GRIN3A: variants seen among roughly 807,000 people sequenced by gnomAD.
The protein encoded by GRIN3A is glutamate receptor ionotropic, NMDA 3A.
GRIN3A carries 47 observed loss-of-function variants against 92.4 expected under a neutral mutation model. That is an observed-to-expected ratio of 0.51 (90% CI 0.40 to 0.65). The LOEUF (loss-of-function observed/expected upper bound fraction) is 0.65. Ranked by LOEUF, GRIN3A falls within the 30% of genes least tolerant of loss-of-function variation. The probability of loss-of-function intolerance (pLI) is 0.00; values close to 1 mark genes in which losing one functional copy is unlikely to be tolerated. For missense variants in GRIN3A, 1,324 were observed against 1,393.1 expected (o/e 0.95, Z 0.79); for synonymous variants, 527 against 540.6 (o/e 0.97, Z 0.35).
rs1829311554 is a variant in GRIN3A at position 101,670,996 on chromosome 9, G to A, written c.1416C>T (p.Pro472=). 4 of 1,613,846 alleles carry A rather than the reference G, an allele frequency of 2.5e-6. No individual in the cohort carries two copies. The highest frequency in any genetic ancestry group is 2.2e-5 in the East Asian group (1 of 44,864). The part of the protein sequence containing the change: ...NFFIWNLQHD[P]MGKPMWTRLG... ...AGCGGGTCCACATTGGCTTTCCCAT[G>A]GGGTCATGTTGAAGATTCCAGATGA... The change falls in exon 3 of 9, where the codon CCC becomes CCT. Residue 472 remains proline (P), a synonymous_variant. Transcript: ENST00000361820.
chr9:101,706,705 C>A (rs368293490), intron 1 of GRIN3A, among the ~76,000 whole-genome samples: 2 of 152,162 alleles, frequency 1.3e-5, no homozygotes, highest in African/African-American at 4.8e-5. Context: ...CAGAGGAAGT[C>A]ATCACAGGTT....
chr9:101,689,809 C>A (rs1283453770), intron 1 of GRIN3A, among the ~76,000 whole-genome samples: 1 of 151,334 alleles, frequency 6.6e-6, no homozygotes, highest in African/African-American at 2.4e-5. Flanking sequence ...AAAATTCAAG[C>A]CTGATAGTAA....
At chr9:101,726,967 C>G (rs1830088255) in intron 1 of GRIN3A, among the ~76,000 whole-genome samples, 1 of 151,584 alleles carries the variant, frequency 6.6e-6, no homozygotes, top group South Asian at 2.1e-4. Context: ...GGATCAAGGA[C>G]AAGAAGCATA....
chr9:101,578,576 A>G (rs1167856459), intron 7 of GRIN3A, among the ~76,000 whole-genome samples: 2 of 152,212 alleles, frequency 1.3e-5, no homozygotes, highest in Non-Finnish European at 2.9e-5. Flanking sequence ...TTCCATCATT[A>G]TGAAGCCTTC....
At chr9:101,595,194 G>A (rs749882829) in intron 6 of GRIN3A, among the ~76,000 whole-genome samples, 1 of 152,094 alleles carries the variant, frequency 6.6e-6, no homozygotes, top group African/African-American at 2.4e-5. Flanking sequence ...AATGGAGCCT[G>A]GGGGTGCCCG....
chr9:101,713,146 G>A (rs890742912), intron 1 of GRIN3A, among the ~76,000 whole-genome samples: 1 of 152,154 alleles, frequency 6.6e-6, no homozygotes, highest in African/African-American at 2.4e-5. Flanking sequence ...CATGGGCTCT[G>A]CTTTCTGGGG....
chr9:101,579,352 T>A lies in GRIN3A; in HGVS notation c.2775A>T (p.Gln925His), dbSNP rs143034818. The part of the protein sequence containing the change: ...KRSFAVTETL[Q>H]MGIKHFSGLF... ...GCCCAGAGAAGTGTTTGATGCCCAT[T>A]TGCAAAGTCTGTGACAGAATAGGAA... Residue 925 changes from glutamine (Q) to histidine (H), a missense_variant, in exon 7 of 9, where the codon CAA becomes CAT. Coordinates refer to ENST00000361820, the MANE Select transcript of GRIN3A (RefSeq NM_133445.3). 520 of 1,613,748 alleles carry A rather than the reference T, an allele frequency of 3.2e-4. No individual in the cohort carries two copies. Among genetic ancestry groups the A allele is most frequent in the Non-Finnish European group, 4.0e-4 (474 of 1,179,872 alleles).
In GRIN3A at chr9:101,638,642, T is replaced by C. The variant is rs540053517; in HGVS notation, c.2353-10241A>G. On this transcript the variant is annotated intron_variant, in intron 3 of 8. Transcript: ENST00000361820. ...ATGATGATCATGATGTAGCTCACCATGTGCCAGGCACTGTTGAATGGTTTA... is the reference window on the plus strand; with the variant it reads ...ATGATGATCATGATGTAGCTCACCACGTGCCAGGCACTGTTGAATGGTTTA... 7.9e-5 allele frequency among the ~76,000 whole-genome samples: 12 copies of C among 152,366 alleles called. No homozygotes were observed. In the East Asian group the frequency reaches 2.3e-3, roughly 29 times the overall value.
intron 1 of GRIN3A, among the ~76,000 whole-genome samples, chr9:101,732,745 C>G (rs1830155364): frequency 6.6e-6 from 1 of 152,114 alleles, no homozygotes; most frequent in African/African-American, 2.4e-5. Context: ...TGACCAACAC[C>G]TCTCCACTAG....
intron 3 of GRIN3A, among the ~76,000 whole-genome samples, chr9:101,649,850 G>A (rs938589078): frequency 6.6e-6 from 1 of 151,980 alleles, no homozygotes; most frequent in African/African-American, 2.4e-5. Flanking sequence ...GAAAATGTAC[G>A]ACCCTTGTCT....
chr9:101,737,849 A>G lies in GRIN3A; in HGVS notation c.131T>C (p.Ile44Thr). ...HPQPCQILKR[I>T]GHAVRVGAVH... ...CGCGCCCACCCTCACCGCGTGCCCG[A>G]TGCGCTTGAGGATCTGGCAGGGCTG... The change falls in exon 1 of 9, where the codon ATC becomes ACC. Residue 44 changes from isoleucine (I) to threonine (T), a missense_variant. Coordinates refer to ENST00000361820, the MANE Select transcript of GRIN3A (RefSeq NM_133445.3). 6.5e-7 allele frequency: 1 copy of G among 1,533,340 alleles called. No homozygotes were observed. Among genetic ancestry groups the G allele is most frequent in the Non-Finnish European group, 8.7e-7 (1 of 1,146,142 alleles). 95.0% of individuals were successfully genotyped at this position (1,533,340 alleles called of 1,614,324 possible).
chr9:101,665,152 T>C (rs2118940178), intron 3 of GRIN3A, among the ~76,000 whole-genome samples: 1 of 151,956 alleles, frequency 6.6e-6, no homozygotes, highest in Admixed American at 6.6e-5. Flanking sequence ...GCAACAGAAA[T>C]GTAGTTTTAA....
At chr9:101,574,733 C>T (rs1827806677) in intron 8 of GRIN3A, among the ~76,000 whole-genome samples, 1 of 152,184 alleles carries the variant, frequency 6.6e-6, no homozygotes. Context: ...TTGTTTTGGG[C>T]AACAGAAAGT....
At chr9:101,630,475 T>C (rs1828696423) in intron 3 of GRIN3A, among the ~76,000 whole-genome samples, 1 of 152,226 alleles carries the variant, frequency 6.6e-6, no homozygotes, top group Admixed American at 6.5e-5. Flanking sequence ...GATATGTCTA[T>C]CATCTTTTTA....
Position 101,670,949 on chromosome 9 carries a change from T to A in GRIN3A, c.1463A>T (p.Lys488Met). Residue 488 changes from lysine (K) to methionine (M), a missense_variant, in exon 3 of 9, where the codon AAG (lysine) becomes ATG (methionine). Lys to Met is a moderately conservative substitution (Grantham distance 95). Coordinates refer to ENST00000361820, the MANE Select transcript of GRIN3A (RefSeq NM_133445.3). ...CCATATTCCATAGTCCATGACAATCTTTCCCCCCTGCCAGCTGCCCAAGCG... is the reference window on the plus strand; with the variant it reads ...CCATATTCCATAGTCCATGACAATCATTCCCCCCTGCCAGCTGCCCAAGCG... ...WTRLGSWQGG[K>M]IVMDYGIWPE... The A allele has an allele frequency of 6.2e-7, 1 of 1,614,030 alleles. No individual in the cohort carries two copies. Among genetic ancestry groups the A allele is most frequent in the African/African-American group, 1.3e-5 (1 of 75,022 alleles).
At chr9:101,676,960 A>G (rs1829405501) in intron 2 of GRIN3A, among the ~76,000 whole-genome samples, 2 of 151,844 alleles carry the variant, frequency 1.3e-5, no homozygotes, top group Admixed American at 6.6e-5. Flanking sequence ...TCTTCTAATT[A>G]AAAACTCACA....
At chr9:101,617,759 C>G (rs1283883036) in intron 5 of GRIN3A, among the ~76,000 whole-genome samples, 7 of 149,150 alleles carry the variant, frequency 4.7e-5, no homozygotes, top group African/African-American at 1.5e-4. Context: ...TACTCGTCAT[C>G]TAGCATTAGG....
intron 8 of GRIN3A, 101 bp downstream of exon 8, chr9:101,577,667 C>A: frequency 1.1e-6 from 1 of 900,862 alleles, no homozygotes; most frequent in Non-Finnish European, 1.9e-6. Context: ...TATACTGATT[C>A]TTTTGATAAA....
At position 101,572,764 on chromosome 9, in the gene GRIN3A, G is replaced by A. The variant is rs1351667920; in HGVS notation, c.*410C>T. On this transcript the variant is annotated 3_prime_UTR_variant, in exon 9 of 9. Transcript: ENST00000361820. ...AAAAGCTACAACCCTAGATAACCTCGTTCTGTGTTACGATGAAAACCAGCA... is the reference window on the plus strand; with the variant it reads ...AAAAGCTACAACCCTAGATAACCTCATTCTGTGTTACGATGAAAACCAGCA... The A allele has an allele frequency of 8.9e-6, 2 of 223,772 alleles. No individual in the cohort carries two copies. The highest frequency in any genetic ancestry group is 5.1e-5 in the Admixed American group (1 of 19,470). 13.9% of individuals were successfully genotyped at this position (223,772 alleles called of 1,614,324 possible). A position where few individuals can be genotyped will look rare whatever the true frequency, so the allele number is the denominator to read the frequency against.
Sources: gnomAD v4.1 joint callset for allele counts (sites outside exome capture counted in the v4.1 genomes callset) on GRCh38, gnomAD v4.1.1 for gene constraint, MANE v1.5 for transcripts, NCBI Gene and HGNC (gene_info 2026-07-23, HGNC 2026-07-21) for gene names.